The following LNPEP variants were observed in gnomAD, a reference collection of about 807,000 sequenced individuals.
LNPEP encodes the protein leucyl and cystinyl aminopeptidase, also known as leucyl-cystinyl aminopeptidase.
Under a neutral mutation model 120.6 loss-of-function variants are expected in LNPEP, and 64 were observed. The observed-to-expected ratio is 0.53, with a 90% CI of 0.43 to 0.65. The LOEUF is 0.65. LNPEP is among the 30% of genes least tolerant of loss of function. The pLI is 0.00. For missense variants in LNPEP, 1,057 were observed against 1,200.0 expected (o/e 0.88, Z 1.76); for synonymous variants, 435 against 425.4 (o/e 1.02, Z -0.28).
chr5:97,011,379 T>A (rs1434596712), intron 11 of LNPEP: 1 of 162,140 alleles, frequency 6.2e-6, no homozygotes, highest in Non-Finnish European at 1.3e-5. Flanking sequence ...ACTACAGACA[T>A]GTGTCACCAT....
chr5:96,942,236 G>T (rs970269478), intron 1 of LNPEP: 1 of 152,182 alleles, frequency 6.6e-6, no homozygotes, highest in African/African-American at 2.4e-5. Context: ...AAACAACGTG[G>T]TGTGGAGCTG....
chr5:96,986,464 T>C, intron 3 of LNPEP, 75 bp from the exon 4 acceptor site: 1 of 1,414,246 alleles, frequency 7.1e-7, no homozygotes, highest in East Asian at 2.3e-5. Flanking sequence ...TATTTGAATT[T>C]TCAGTTTCTC....
intron 3 of LNPEP, 110 bp downstream of exon 3, chr5:96,985,328 A>G: frequency 1.2e-6 from 1 of 857,800 alleles, no homozygotes; most frequent in Non-Finnish European, 1.7e-6. Flanking sequence ...AATCATATAC[A>G]TTAATATTCT....
rs1278830432 is a variant in LNPEP, at chr5:96,946,970, CAG to C, written c.19+10798_19+10799del. On this transcript the variant is annotated intron_variant, in intron 1 of 17. Transcript: ENST00000231368. ...TATGCATTCTTTGTTAAATAACTCA[CAG>C]ATACTCATTATGTCTAATGTAATTT... Among the ~76,000 whole-genome samples the C allele has an allele frequency of 9.9e-5, 15 of 152,254 alleles. No individual in the cohort carries two copies. In the East Asian group the frequency reaches 2.7e-3, roughly 27 times the overall value.
intron 1 of LNPEP, among the ~76,000 whole-genome samples, chr5:96,965,836 A>T (rs1789713216): frequency 6.6e-6 from 1 of 152,176 alleles, no homozygotes; most frequent in South Asian, 2.1e-4. Context: ...CTTTTACTGA[A>T]GGCAATGACT....
intron 1 of LNPEP, among the ~76,000 whole-genome samples, chr5:96,954,770 ATAT>A (rs533790413): frequency 0.011 from 317 of 29,482 alleles, 76 homozygotes; most frequent in Admixed American, 0.053. Context: ...ATATATATAT[ATAT>A]TTTTTTTTTT....
At position 97,027,645 on chromosome 5, in the gene LNPEP, T is replaced by C. The variant is rs1455549991; in HGVS notation, c.2865-88T>C. On this transcript the variant is annotated intron_variant, in intron 16 of 17. Transcript: ENST00000231368. ...CGGGAGGAGGATTCCACTCTGGCTTTGGCATTAAAGACTTTTCCTTGCACT... is the reference window on the plus strand; with the variant it reads ...CGGGAGGAGGATTCCACTCTGGCTTCGGCATTAAAGACTTTTCCTTGCACT... 5.0e-6 allele frequency: 4 copies of C among 806,594 alleles called. No individual in the cohort carries two copies. The Admixed American group carries it at 5.8e-5, about 12-fold the overall frequency. The allele number at this position is 806,594 out of a possible 1,614,324, so 50.0% of individuals were successfully genotyped here.
intron 4 of LNPEP, 58 bp from the exon 5 acceptor site, chr5:96,992,957 A>C: frequency 7.6e-7 from 1 of 1,314,698 alleles, no homozygotes. Context: ...GTGCTACTTG[A>C]GTATCATGCC....
intron 6 of LNPEP, 33 bp downstream of exon 6, chr5:96,994,004 C>T (rs1304858630): frequency 1.3e-6 from 2 of 1,591,448 alleles, no homozygotes; most frequent in South Asian, 1.1e-5. Flanking sequence ...TGTGTCACAC[C>T]TGTGGTCTAC....
At chr5:97,010,041 A>G (rs1391043694) in intron 11 of LNPEP, among the ~76,000 whole-genome samples, 1 of 152,146 alleles carries the variant, frequency 6.6e-6, no homozygotes, top group Non-Finnish European at 1.5e-5. Context: ...TATAAGAGTT[A>G]TGTTTGGTCA....
chr5:96,951,426 T>G (rs1202071828), intron 1 of LNPEP, among the ~76,000 whole-genome samples: 1 of 151,952 alleles, frequency 6.6e-6, no homozygotes, highest in African/African-American at 2.4e-5. Flanking sequence ...CCTGGCTAAT[T>G]TTTTGTATTT....
intron 1 of LNPEP, among the ~76,000 whole-genome samples, chr5:96,974,783 T>C (rs1329298296): frequency 3.3e-5 from 5 of 152,146 alleles, no homozygotes; most frequent in Non-Finnish European, 7.4e-5. Context: ...CTCATTTTAC[T>C]TGACCTTTCT....
intron 7 of LNPEP, among the ~76,000 whole-genome samples, chr5:96,997,196 A>G (rs1790534738): frequency 6.6e-6 from 1 of 152,124 alleles, no homozygotes; most frequent in African/African-American, 2.4e-5. Context: ...AAGTGTAAAG[A>G]TACCTTCCAA....
chr5:97,009,385 T>C (rs1405580189), intron 11 of LNPEP, among the ~76,000 whole-genome samples: 1 of 152,140 alleles, frequency 6.6e-6, no homozygotes, highest in African/African-American at 2.4e-5. Context: ...ACGGTAGTGA[T>C]CATGGCTATA....
At chr5:96,970,708 C>G (rs1789839820) in intron 1 of LNPEP, among the ~76,000 whole-genome samples, 1 of 151,586 alleles carries the variant, frequency 6.6e-6, no homozygotes, top group African/African-American at 2.4e-5. Context: ...TTCAGTGTTT[C>G]TTCTAGGATT....
intron 3 of LNPEP, 144 bp from the exon 4 acceptor site, chr5:96,986,395 C>G: frequency 5.4e-6 from 4 of 744,320 alleles, no homozygotes; most frequent in South Asian, 3.8e-5. Context: ...GAGCCATGCT[C>G]TTTGCAGAAA....
intron 1 of LNPEP, among the ~76,000 whole-genome samples, chr5:96,953,826 T>A (rs1581980294): frequency 6.6e-6 from 1 of 152,228 alleles, no homozygotes; most frequent in Non-Finnish European, 1.5e-5. Context: ...TTACTCCAGA[T>A]GTGTTGATAG....
intron 14 of LNPEP, among the ~76,000 whole-genome samples, chr5:97,024,134 T>G (rs536075548): frequency 1.1e-4 from 16 of 152,330 alleles, no homozygotes; most frequent in African/African-American, 3.6e-4. Flanking sequence ...GTTTTCTCCC[T>G]GCACCCCATT....
At chr5:97,013,150 T>G (rs1486392330) in intron 11 of LNPEP, among the ~76,000 whole-genome samples, 1 of 152,128 alleles carries the variant, frequency 6.6e-6, no homozygotes, top group Non-Finnish European at 1.5e-5. Context: ...CTCTGGGCCT[T>G]GAGCACTTGG....
Sources: gnomAD v4.1 joint callset for allele counts (sites outside exome capture counted in the v4.1 genomes callset) on GRCh38, gnomAD v4.1.1 for gene constraint, MANE v1.5 for transcripts, NCBI Gene and HGNC (gene_info 2026-07-23, HGNC 2026-07-21) for gene names.